The following CPNE7 variants were observed in gnomAD, a reference collection of about 807,000 sequenced individuals.
CPNE7 encodes copine-7.
A neutral mutation model predicts 66.5 loss-of-function variants in CPNE7; 78 were observed. The ratio of observed to expected loss-of-function variants is 1.17; its 90% CI spans 0.98 to 1.42. CPNE7 has a LOEUF of 1.42. Ranked by LOEUF, CPNE7 falls within the 40% of genes most tolerant of loss-of-function variation. The pLI, the probability that CPNE7 is intolerant of heterozygous loss-of-function variation, is 0.00. For synonymous variants in CPNE7, 468 were observed against 336.7 expected, an observed-to-expected ratio of 1.39 and a Z score of -4.27; for missense variants, 1,012 against 776.6, an observed-to-expected ratio of 1.30 and a Z score of -3.60.
At chr16:89,589,857 G>C (rs1485283105) in intron 10 of CPNE7, 40 bp from the exon 11 acceptor site, 2 of 1,612,060 alleles carry the variant, frequency 1.2e-6, no homozygotes, top group Non-Finnish European at 1.7e-6. Context: ...GCAGCCACAA[G>C]AGGTCAGGGC....
At chr16:89,576,620 G>C (rs1367297909) in intron 1 of CPNE7, among the ~76,000 whole-genome samples, 2 of 152,214 alleles carry the variant, frequency 1.3e-5, no homozygotes, top group Non-Finnish European at 2.9e-5. Context: ...CGCTTCCTCG[G>C]TCACCATCTC....
At chr16:89,578,337 A>C (rs567207113) in intron 2 of CPNE7, among the ~76,000 whole-genome samples, 1 of 151,878 alleles carries the variant, frequency 6.6e-6, no homozygotes, top group African/African-American at 2.4e-5. Context: ...TGCTGGGATT[A>C]CAGGCGTGAG....
intron 10 of CPNE7, 80 bp downstream of exon 10, chr16:89,588,888 C>A (rs963528444): frequency 2.2e-5 from 34 of 1,562,644 alleles, no homozygotes; most frequent in Non-Finnish European, 2.9e-5. Context: ...CCCCCTCACC[C>A]CCCTGGTCTC....
intron 14 of CPNE7, chr16:89,595,938 C>T (rs889654743): frequency 9.1e-5 from 48 of 529,512 alleles, no homozygotes; most frequent in Non-Finnish European, 1.6e-4. Context: ...AGGTTCTACC[C>T]GCCGAGACAC....
Position 89,596,594 on chromosome 16 carries a change from A to G in CPNE7, c.1650A>G (p.Gly550=), listed in dbSNP as rs754354823. 2 of 1,606,436 alleles carry G rather than the reference A, an allele frequency of 1.2e-6. No homozygotes were observed. Among genetic ancestry groups the G allele is most frequent in the South Asian group, 1.1e-5 (1 of 90,964 alleles). The part of the protein sequence containing the change: ...LPPRSLGVPA[G]EASPGCTP ...CGAGAAGCCTGGGTGTCCCTGCCGGAGAGGCCAGCCCAGGCTGCACACCGT... is the reference window on the plus strand; with the variant it reads ...CGAGAAGCCTGGGTGTCCCTGCCGGGGAGGCCAGCCCAGGCTGCACACCGT... The change falls in exon 15 of 15, where the codon GGA becomes GGG. Residue 550 remains glycine, a synonymous_variant. Coordinates refer to ENST00000319518, the MANE Select transcript of CPNE7 (RefSeq NM_153636.3).
intron 9 of CPNE7, 21 bp downstream of exon 9, chr16:89,587,123 CAT>C (rs1567959431): frequency 2.8e-6 from 4 of 1,453,776 alleles, no homozygotes; most frequent in East Asian, 5.0e-5. Flanking sequence ...GGCCCCGCCC[CAT>C]GCCGCCCCCT....
At chr16:89,594,636 T>C (rs1252354850) in intron 13 of CPNE7, among the ~76,000 whole-genome samples, 1 of 145,246 alleles carries the variant, frequency 6.9e-6, no homozygotes, top group African/African-American at 2.6e-5. Context: ...TGAAGTTCCA[T>C]TCTGCCTTTT....
chr16:89,585,030 G>GTT, intron 5 of CPNE7, among the ~76,000 whole-genome samples, 173 bp downstream of exon 5: 2 of 152,032 alleles, frequency 1.3e-5, no homozygotes, highest in Non-Finnish European at 2.9e-5. Flanking sequence ...GCAGGGCCCT[G>GTT]GGGGCCGTGG....
At chr16:89,589,833 A>G in intron 10 of CPNE7, 64 bp from the exon 11 acceptor site, 1 of 1,569,384 alleles carries the variant, frequency 6.4e-7, no homozygotes. Context: ...GTCTCCCTAG[A>G]AGTGGCCCCT....
intron 10 of CPNE7, 79 bp downstream of exon 10, chr16:89,588,887 C>G (rs536836482): frequency 7.4e-5 from 116 of 1,565,598 alleles, no homozygotes; most frequent in Middle Eastern, 1.7e-4. Context: ...TCCCCCTCAC[C>G]CCCCTGGTCT....
At chr16:89,590,060 C>A in intron 11 of CPNE7, 109 bp downstream of exon 11, 1 of 1,267,194 alleles carries the variant, frequency 7.9e-7, no homozygotes, top group Non-Finnish European at 1.1e-6. Flanking sequence ...GAACCGGAGA[C>A]TGTAGGATGG....
intron 2 of CPNE7, among the ~76,000 whole-genome samples, chr16:89,579,746 C>CCCGTCACCCGCTG (rs2058919307): frequency 6.8e-6 from 1 of 147,242 alleles, no homozygotes; most frequent in Admixed American, 6.8e-5. Flanking sequence ...CATCACCCAT[C>CCCGTCACCCGCTG]ACACAGAACA....
intron 13 of CPNE7, among the ~76,000 whole-genome samples, chr16:89,592,599 C>A (rs1306827452): frequency 6.9e-6 from 1 of 145,180 alleles, no homozygotes; most frequent in African/African-American, 2.6e-5. Flanking sequence ...CCCGCCACCA[C>A]GCCCGGCTAA....
chr16:89,588,839 G>A, intron 10 of CPNE7, 31 bp downstream of exon 10: 1 of 1,607,766 alleles, frequency 6.2e-7, no homozygotes, highest in East Asian at 2.2e-5. Context: ...TCACCCCCTG[G>A]TCTCCAGGTC....
rs551471562 is a variant in CPNE7, at chr16:89,591,242, G to A, written c.1284G>A (p.Glu428=). ...SKVARVAAAE[E]STGKASQYYI... ...TGGCACGCGTGGCGGCGGCCGAGGA[G>A]AGCACCGGGAAAGCCTCTGTAGGTG... Residue 428 remains glutamate, a synonymous_variant, in exon 13 of 15, where the codon GAG becomes GAA. Transcript: ENST00000319518. 6.3e-7 allele frequency: 1 copy of A among 1,584,110 alleles called. No homozygotes were observed. Among genetic ancestry groups the A allele is most frequent in the South Asian group, 1.1e-5 (1 of 87,480 alleles).
intron 11 of CPNE7, among the ~76,000 whole-genome samples, chr16:89,590,309 G>A (rs554231822): frequency 6.6e-6 from 1 of 152,286 alleles, no homozygotes; most frequent in African/African-American, 2.4e-5. Context: ...CCGATTACCT[G>A]AGGTCAGGAG....
chr16:89,589,545 C>T (rs1440077936), intron 10 of CPNE7, among the ~76,000 whole-genome samples: 1 of 152,182 alleles, frequency 6.6e-6, no homozygotes, highest in African/African-American at 2.4e-5. Context: ...GCTCCCTACC[C>T]TACAGACCTC....
intron 13 of CPNE7, among the ~76,000 whole-genome samples, chr16:89,594,772 C>T (rs904317714): frequency 6.6e-6 from 1 of 151,002 alleles, no homozygotes; most frequent in African/African-American, 2.4e-5. Context: ...ATGCCTCAGC[C>T]TCCCGAATAG....
intron 13 of CPNE7, among the ~76,000 whole-genome samples, chr16:89,592,943 GCTGGGAGTA>G (rs2059197941): frequency 6.7e-6 from 1 of 149,604 alleles, no homozygotes; most frequent in South Asian, 2.1e-4. Context: ...CTCCTGAGTA[GCTGGGAGTA>G]CAGGCGCCCG....
Sources: allele counts gnomAD v4.1 joint callset (sites outside exome capture counted in the v4.1 genomes callset), GRCh38; gene constraint gnomAD v4.1.1; transcripts MANE v1.5; gene names NCBI Gene and HGNC (gene_info 2026-07-23, HGNC 2026-07-21).